Variants in ANKRD52 observed in about 807,000 individuals in gnomAD.
ANKRD52 encodes the protein serine/threonine-protein phosphatase 6 regulatory ankyrin repeat subunit C.
ANKRD52 carries 7 observed loss-of-function variants against 116.0 expected under a neutral mutation model. That is an observed-to-expected ratio of 0.06 (90% confidence interval 0.03 to 0.11). ANKRD52 has a LOEUF of 0.11. Among genes scored for constraint, ANKRD52 ranks in the 10% least tolerant of loss-of-function variants. The pLI, the probability that ANKRD52 is intolerant of heterozygous loss-of-function variation, is 1.00. For missense variants in ANKRD52, 839 were observed against 1,408.6 expected (o/e 0.60, Z 6.47); for synonymous variants, 528 against 578.1 (o/e 0.91, Z 1.24).
In ANKRD52 at chr12:56,241,608, G is replaced by A. The variant is rs1871174787; in HGVS notation, c.*1534C>T. 1.1e-5 allele frequency: 2 copies of A among 186,836 alleles called. No individual in the cohort carries two copies. Among genetic ancestry groups the A allele is most frequent in the South Asian group, 3.9e-4 (2 of 5,150 alleles). The allele number at this position is 186,836 out of a possible 1,614,324, so 11.6% of individuals were successfully genotyped here. ...GGACAATACTGATGGCAGCCAAACT[G>A]GGCAAGGATGCAGTGTGGGGGCGGA... On this transcript the variant is annotated 3_prime_UTR_variant, in exon 28 of 28. Coordinates refer to ENST00000267116, the MANE Select transcript of ANKRD52 (RefSeq NM_173595.4).
Position 56,253,622 on chromosome 12 carries a change from G to C in ANKRD52, c.985+100C>G, listed in dbSNP as rs1294202853. 24 of 1,328,692 alleles carry C rather than the reference G, an allele frequency of 1.8e-5. No homozygotes were observed. Among genetic ancestry groups the C allele is most frequent in the Non-Finnish European group, 2.5e-5 (24 of 943,418 alleles). 82.3% of individuals were successfully genotyped at this position (1,328,692 alleles called of 1,614,324 possible). On this transcript the variant is annotated intron_variant, in intron 9 of 27. Coordinates refer to ENST00000267116, the MANE Select transcript of ANKRD52 (RefSeq NM_173595.4). The surrounding 1 kb of genome is among the most constrained non-coding windows in gnomAD (Gnocchi z 5.5). Reference sequence around the variant, plus strand: ...AGAGTTCCAAGGGCCTATCCTACTGGAAGAGGGCAGGAGAAGGAAGTTAGG... The same window carrying C: ...AGAGTTCCAAGGGCCTATCCTACTGCAAGAGGGCAGGAGAAGGAAGTTAGG...
chr12:56,255,339 C>T lies in ANKRD52; in HGVS notation c.463-387G>A, dbSNP rs1352990511. On this transcript the variant is annotated intron_variant, in intron 5 of 27. Transcript: ENST00000267116. The surrounding 1 kb of genome is among the most constrained non-coding windows in gnomAD (Gnocchi z 4.3). ...CCGAGTAGCTGGGACTACAGGCGGCCGCCACCACACCCGGCTAATTTTTTG... is the reference window on the plus strand; with the variant it reads ...CCGAGTAGCTGGGACTACAGGCGGCTGCCACCACACCCGGCTAATTTTTTG... Among the ~76,000 whole-genome samples the T allele has an allele frequency of 6.6e-6, 1 of 152,044 alleles. No homozygotes were observed. Among genetic ancestry groups the T allele is most frequent in the Admixed American group, 6.6e-5 (1 of 15,264 alleles).
Position 56,257,316 on chromosome 12 carries a change from C to A in ANKRD52, c.157G>T (p.Asp53Tyr). Residue 53 changes from aspartate to tyrosine, a missense_variant, in exon 3 of 28, where the codon GAT (aspartate) becomes TAT (tyrosine). Coordinates refer to ENST00000267116, the MANE Select transcript of ANKRD52 (RefSeq NM_173595.4). ...TPLHAAAYVG[D>Y]VPILQLLLMS... ...AGTAGCAACTGGAGGATGGGGACATCGCCTACGTAGGCAGCAGCATGCAAT... is the reference window on the plus strand; with the variant it reads ...AGTAGCAACTGGAGGATGGGGACATAGCCTACGTAGGCAGCAGCATGCAAT... 6.3e-7 allele frequency: 1 copy of A among 1,597,234 alleles called. No homozygotes were observed. Among genetic ancestry groups the A allele is most frequent in the South Asian group, 1.1e-5 (1 of 87,928 alleles).
Position 56,244,048 on chromosome 12 carries a change from C to T in ANKRD52, c.2888+3G>A, listed in dbSNP as rs753426751. The T allele has an allele frequency of 6.2e-7, 1 of 1,613,844 alleles. No homozygotes were observed. Among genetic ancestry groups the T allele is most frequent in the Non-Finnish European group, 8.5e-7 (1 of 1,179,892 alleles). ...CCAGGAGCCCCCTTCCCCAGGCACT[C>T]ACATCTGCAGCGCACTGTTGGTAGC... On this transcript the variant is annotated splice_donor_region_variant and intron_variant, in intron 26 of 27. Transcript: ENST00000267116. This position sits in a 1 kb window ranked among gnomAD's most constrained non-coding sequence, Gnocchi z 4.9.
Position 56,242,727 on chromosome 12 carries a change from G to A in ANKRD52, c.*415C>T, listed in dbSNP as rs555940394. On this transcript the variant is annotated 3_prime_UTR_variant, in exon 28 of 28. Coordinates refer to ENST00000267116, the MANE Select transcript of ANKRD52 (RefSeq NM_173595.4). The surrounding 1 kb of genome is among the most constrained non-coding windows in gnomAD (Gnocchi z 4.3). ...ATGGAGGGACCGGCCGAGCAGGGAG[G>A]CAGTGATGGGTATGGAAGAAGAGGG... 8.0e-5 allele frequency: 16 copies of A among 200,600 alleles called. No individual in the cohort carries two copies. In the East Asian group the frequency reaches 1.9e-3, roughly 24 times the overall value. The allele number at this position is 200,600 out of a possible 1,614,324, so 12.4% of individuals were successfully genotyped here. A position where few individuals can be genotyped will look rare whatever the true frequency, so the allele number is the denominator to read the frequency against.
rs1241858368 is a variant in ANKRD52 at position 56,244,774 on chromosome 12, A to G, written c.2600T>C (p.Phe867Ser). Reference sequence around the variant, plus strand: ...CCGGAGCCCAGAGACATTGTCCGCGAAGGCAGCGGCGTGAAGGGGGGTCCT... The same window carrying G: ...CCGGAGCCCAGAGACATTGTCCGCGGAGGCAGCGGCGTGAAGGGGGGTCCT... ...KGRTPLHAAA[F>S]ADNVSGLRML... The change falls in exon 24 of 28, where the codon TTC becomes TCC. Residue 867 changes from phenylalanine to serine, a missense_variant. Physicochemically the swap from Phe to Ser is radical, Grantham distance 155 (BLOSUM62 -2). Around this residue, in one of 2 missense-constraint regions of ANKRD52, gnomAD observed 552 missense variants for 810.6 expected, o/e 0.68. Coordinates refer to ENST00000267116, the MANE Select transcript of ANKRD52 (RefSeq NM_173595.4). This position sits in a 1 kb window ranked among gnomAD's most constrained non-coding sequence, Gnocchi z 4.9. 1 of 1,613,838 alleles carries G rather than the reference A, an allele frequency of 6.2e-7. No individual in the cohort carries two copies. Among genetic ancestry groups the G allele is most frequent in the Non-Finnish European group, 8.5e-7 (1 of 1,179,882 alleles).
chr12:56,242,980 T>C lies in ANKRD52; in HGVS notation c.*162A>G, dbSNP rs1246744981. The C allele has an allele frequency of 1.9e-6, 2 of 1,061,882 alleles. No individual in the cohort carries two copies. Among genetic ancestry groups the C allele is most frequent in the African/African-American group, 1.6e-5 (1 of 62,408 alleles). The allele number at this position is 1,061,882 out of a possible 1,614,324, so 65.8% of individuals were successfully genotyped here. A position where few individuals can be genotyped will look rare whatever the true frequency, so the allele number is the denominator to read the frequency against. ...GTCCCAGACCCCTGCCAGGCCAAGATGGTGTGGCAAAGGGGTGAGCAGCTG... is the reference window on the plus strand; with the variant it reads ...GTCCCAGACCCCTGCCAGGCCAAGACGGTGTGGCAAAGGGGTGAGCAGCTG... On this transcript the variant is annotated 3_prime_UTR_variant, in exon 28 of 28. Coordinates refer to ENST00000267116, the MANE Select transcript of ANKRD52 (RefSeq NM_173595.4). The surrounding 1 kb of genome is among the most constrained non-coding windows in gnomAD (Gnocchi z 4.3).
In ANKRD52 at chr12:56,248,609, C is replaced by A; in HGVS notation, c.1705-43G>T. ...GTAGGTGCTGAGACTCTGGAACTCC[C>A]AAGATAGTACCCCAGTCCCCGACTC... On this transcript the variant is annotated intron_variant, in intron 16 of 27. Transcript: ENST00000267116. This position sits in a 1 kb window ranked among gnomAD's most constrained non-coding sequence, Gnocchi z 5.1. 6.5e-7 allele frequency: 1 copy of A among 1,544,846 alleles called. No individual in the cohort carries two copies. The highest frequency in any genetic ancestry group is 2.4e-5 in the East Asian group (1 of 41,928).
In ANKRD52 at chr12:56,238,167, G is replaced by A. The variant is rs145669340; in HGVS notation, c.*4975C>T. ...ACAGGTGGTTCCGGGGCAGGGAGAGGCAGGAATGGGAAAATTGCTTAGAGA... is the reference window on the plus strand; with the variant it reads ...ACAGGTGGTTCCGGGGCAGGGAGAGACAGGAATGGGAAAATTGCTTAGAGA... On this transcript the variant is annotated 3_prime_UTR_variant, in exon 28 of 28. Coordinates refer to ENST00000267116, the MANE Select transcript of ANKRD52 (RefSeq NM_173595.4). The A allele has an allele frequency of 1.5e-3, 242 of 166,650 alleles. No homozygotes were observed. Among genetic ancestry groups the A allele is most frequent in the African/African-American group, 5.7e-3 (238 of 42,110 alleles). The allele number at this position is 166,650 out of a possible 1,614,324, so 10.3% of individuals were successfully genotyped here.
intron 15 of ANKRD52, among the ~76,000 whole-genome samples, chr12:56,251,066 G>A (rs893039253): frequency 2.0e-5 from 3 of 151,798 alleles, no homozygotes; most frequent in African/African-American, 4.8e-5. Context: ...TTAGCCACCC[G>A]AGTAGCTGGG....
In ANKRD52 at chr12:56,237,911, C is replaced by A; in HGVS notation, c.*5231G>T. 1 of 761,712 alleles carries A rather than the reference C, an allele frequency of 1.3e-6. No individual in the cohort carries two copies. Among genetic ancestry groups the A allele is most frequent in the Non-Finnish European group, 2.0e-6 (1 of 511,618 alleles). The allele number at this position is 761,712 out of a possible 1,614,324, so 47.2% of individuals were successfully genotyped here. On this transcript the variant is annotated 3_prime_UTR_variant, in exon 28 of 28. Transcript: ENST00000267116. Reference sequence around the variant, plus strand: ...AGAAAACCAGAGTGTGGTGGGAGGACCCGAAGCCGGTTGGGGGAGGATGTG... The same window carrying A: ...AGAAAACCAGAGTGTGGTGGGAGGAACCGAAGCCGGTTGGGGGAGGATGTG...
Position 56,242,930 on chromosome 12 carries a change from C to T in ANKRD52, c.*212G>A, listed in dbSNP as rs1871226242. 1 of 640,954 alleles carries T rather than the reference C, an allele frequency of 1.6e-6. No homozygotes were observed. The highest frequency in any genetic ancestry group is 1.8e-5 in the African/African-American group (1 of 54,946). 39.7% of individuals were successfully genotyped at this position (640,954 alleles called of 1,614,324 possible). On this transcript the variant is annotated 3_prime_UTR_variant, in exon 28 of 28. Transcript: ENST00000267116. This position sits in a 1 kb window ranked among gnomAD's most constrained non-coding sequence, Gnocchi z 4.3. The stretch of plus-strand genomic sequence containing the variant: ...GCAGAAGGGGTCGCCCTGGGGGTAC[C>T]AAGGGCCTGGGGTGCTCCCTGTCAG...
Position 56,253,484 on chromosome 12 carries a change from C to A in ANKRD52, c.986-82G>T. 4.4e-6 allele frequency: 5 copies of A among 1,128,598 alleles called. No individual in the cohort carries two copies. The highest frequency in any genetic ancestry group is 2.4e-5 in the East Asian group (1 of 42,442). The allele number at this position is 1,128,598 out of a possible 1,614,324, so 69.9% of individuals were successfully genotyped here. On this transcript the variant is annotated intron_variant, in intron 9 of 27. Transcript: ENST00000267116. This position sits in a 1 kb window ranked among gnomAD's most constrained non-coding sequence, Gnocchi z 5.5. ...CGCGAGCTAGCCATGATTTGAGTGC[C>A]TACTATGTATGCATCAGGTGCCAGG...
At chr12:56,246,974 A>AAAC (rs1565608728) in intron 20 of ANKRD52, among the ~76,000 whole-genome samples, 2 of 143,812 alleles carry the variant, frequency 1.4e-5, no homozygotes, top group South Asian at 2.2e-4. Context: ...TAATAATAAT[A>AAAC]AACAAAGCAC....
Position 56,243,920 on chromosome 12 carries a change from T to G in ANKRD52, c.2889-44A>C. ...GAAGGAGCTTGATGCTAAGCTGCCCTTCCACCTCCAGACAGGGTGGCAAGG... is the reference window on the plus strand; with the variant it reads ...GAAGGAGCTTGATGCTAAGCTGCCCGTCCACCTCCAGACAGGGTGGCAAGG... On this transcript the variant is annotated intron_variant, in intron 26 of 27. Transcript: ENST00000267116. This position sits in a 1 kb window ranked among gnomAD's most constrained non-coding sequence, Gnocchi z 4.6. 1 of 1,593,942 alleles carries G rather than the reference T, an allele frequency of 6.3e-7. No homozygotes were observed. Among genetic ancestry groups the G allele is most frequent in the Non-Finnish European group, 8.6e-7 (1 of 1,169,462 alleles).
Position 56,240,638 on chromosome 12 carries a change from G to A in ANKRD52, c.*2504C>T, listed in dbSNP as rs575333622. 1 of 152,284 alleles carries A rather than the reference G, an allele frequency of 6.6e-6. No homozygotes were observed. Among genetic ancestry groups the A allele is most frequent in the Admixed American group, 6.5e-5 (1 of 15,300 alleles). The allele number at this position is 152,284 out of a possible 1,614,324, so 9.4% of individuals were successfully genotyped here. ...ATAAATATGCAGTGGCCATGAGAAT[G>A]GTCAAAATGCTTCAAAAAACACTAG... On this transcript the variant is annotated 3_prime_UTR_variant, in exon 28 of 28. Coordinates refer to ENST00000267116, the MANE Select transcript of ANKRD52 (RefSeq NM_173595.4). This position sits in a 1 kb window ranked among gnomAD's most constrained non-coding sequence, Gnocchi z 4.2.
Position 56,242,813 on chromosome 12 carries a change from A to T in ANKRD52, c.*329T>A. ...ACACAGAGAGGAGTCCCCAGGGAAGAGTCGGGGGAGCTGGCAGCAGAAAGA... is the reference window on the plus strand; with the variant it reads ...ACACAGAGAGGAGTCCCCAGGGAAGTGTCGGGGGAGCTGGCAGCAGAAAGA... On this transcript the variant is annotated 3_prime_UTR_variant, in exon 28 of 28. Transcript: ENST00000267116. The surrounding 1 kb of genome is among the most constrained non-coding windows in gnomAD (Gnocchi z 4.3). The T allele has an allele frequency of 3.2e-6, 1 of 312,382 alleles. No homozygotes were observed. Among genetic ancestry groups the T allele is most frequent in the Admixed American group, 4.5e-5 (1 of 22,300 alleles). 19.4% of individuals were successfully genotyped at this position (312,382 alleles called of 1,614,324 possible).
Position 56,255,714 on chromosome 12 carries a change from C to T in ANKRD52, c.462+70G>A. 3 of 1,446,680 alleles carry T rather than the reference C, an allele frequency of 2.1e-6. No individual in the cohort carries two copies. The highest frequency in any genetic ancestry group is 2.8e-6 in the Non-Finnish European group (3 of 1,065,076). The allele number at this position is 1,446,680 out of a possible 1,614,324, so 89.6% of individuals were successfully genotyped here. The stretch of plus-strand genomic sequence containing the variant: ...TCCTTCAGGCTTGAGGGCCCAGAAG[C>T]AGGGAAACGTGAGTAGGAAGGTAAG... On this transcript the variant is annotated intron_variant, in intron 5 of 27. Transcript: ENST00000267116. This position sits in a 1 kb window ranked among gnomAD's most constrained non-coding sequence, Gnocchi z 4.3.
rs773368611 is a variant in ANKRD52 at position 56,245,183 on chromosome 12, T to C, written c.2412A>G (p.Glu804=). The C allele has an allele frequency of 3.5e-5, 56 of 1,613,786 alleles. No individual in the cohort carries two copies. The Middle Eastern group carries it at 8.2e-4, about 24-fold the overall frequency. Residue 804 remains glutamate (E), a synonymous_variant, in exon 22 of 28, where the codon GAA becomes GAG. Transcript: ENST00000267116. ...GTTCAAGTAACAACTCCAGACAATC[T>C]TCATGTCCTGGGCACGAGGAAGGAA... ...PMHWASYTGH[E]DCLELLLEHS... is the part of the protein sequence containing the mutation.
Sources: gnomAD v4.1 joint callset for allele counts (sites outside exome capture counted in the v4.1 genomes callset) on GRCh38, gnomAD v4.1.1 for gene constraint, gnomAD v4.1.1 regional missense constraint, Gnocchi (gnomAD v3.1) non-coding constraint, MANE v1.5 for transcripts, NCBI Gene and HGNC (gene_info 2026-07-23, HGNC 2026-07-21) for gene names.